DGKB: variants seen among roughly 807,000 people sequenced by gnomAD.
The protein encoded by DGKB is diacylglycerol kinase beta.
DGKB carries 67 observed loss-of-function variants against 114.3 expected under a neutral mutation model. That is an observed-to-expected ratio of 0.59 (90% CI 0.48 to 0.72). The LOEUF is 0.72. Ranked by LOEUF, DGKB falls within the 30% of genes least tolerant of loss-of-function variation. DGKB has a pLI of 0.00. For synonymous variants in DGKB, 398 were observed against 323.1 expected (o/e 1.23, Z -2.49); for missense variants, 907 against 975.2 (o/e 0.93, Z 0.93).
upstream of DGKB, among the ~76,000 whole-genome samples, chr7:14,907,300 AC>A (rs1406804918): frequency 1.3e-5 from 2 of 152,252 alleles, no homozygotes; most frequent in African/African-American, 4.8e-5. Context: ...CAGGCCATTT[AC>A]AGGCCTTTCC....
At chr7:14,732,195 T>TA in intron 5 of DGKB, among the ~76,000 whole-genome samples, 1 of 53,236 alleles carries the variant, frequency 1.9e-5, no homozygotes, top group East Asian at 3.3e-4. Flanking sequence ...GTAGTGAGCA[T>TA]AATTTTTTTT....
intron 2 of DGKB, among the ~76,000 whole-genome samples, chr7:14,824,647 C>T (rs1156612075): frequency 1.3e-5 from 2 of 151,970 alleles, no homozygotes; most frequent in Non-Finnish European, 2.9e-5. Flanking sequence ...TGTCACAGCA[C>T]GTCACAACAT....
intron 23 of DGKB, among the ~76,000 whole-genome samples, chr7:14,230,450 T>C (rs1791537767): frequency 6.6e-6 from 1 of 151,912 alleles, no homozygotes; most frequent in South Asian, 2.1e-4. Flanking sequence ...TATGGTAAAA[T>C]TTCATTAATT....
At chr7:14,919,058 A>ACATG (rs1390831220) in intron 1 of DGKB, among the ~76,000 whole-genome samples, 2 of 116,278 alleles carry the variant, frequency 1.7e-5, no homozygotes, top group Admixed American at 1.9e-4. Flanking sequence ...AGACTCCACC[A>ACATG]CACGCACACA....
chr7:14,865,676 G>T (rs2128187568), intron 1 of DGKB, among the ~76,000 whole-genome samples: 1 of 152,282 alleles, frequency 6.6e-6, no homozygotes, highest in Middle Eastern at 3.4e-3. Flanking sequence ...ATCATATACA[G>T]TGAGAATGAG....
chr7:14,163,660 T>A (rs571665386), intron 25 of DGKB, among the ~76,000 whole-genome samples: 1 of 152,162 alleles, frequency 6.6e-6, no homozygotes, highest in Admixed American at 6.5e-5. Context: ...AGAAGACTAT[T>A]AATTTTCTCT....
intron 2 of DGKB, among the ~76,000 whole-genome samples, chr7:14,760,153 A>T (rs1434915523): frequency 6.6e-6 from 1 of 152,006 alleles, no homozygotes; most frequent in Admixed American, 6.6e-5. Context: ...GTGTACGCAC[A>T]TTTGCTTGAT....
chr7:14,916,203 A>C (rs1250428583), intron 1 of DGKB, among the ~76,000 whole-genome samples: 3 of 151,952 alleles, frequency 2.0e-5, no homozygotes, highest in Non-Finnish European at 2.9e-5. Context: ...AAGAAGTATA[A>C]TAATATAATA....
chr7:14,942,658 T>C (rs1406266022), intron 1 of DGKB, among the ~76,000 whole-genome samples: 1 of 152,004 alleles, frequency 6.6e-6, no homozygotes, highest in Non-Finnish European at 1.5e-5. Flanking sequence ...TTCTGTTCCC[T>C]GAACTCTCCA....
At chr7:14,756,754 AC>A (rs1267817520) in intron 3 of DGKB, among the ~76,000 whole-genome samples, 7 of 151,896 alleles carry the variant, frequency 4.6e-5, no homozygotes, top group East Asian at 1.9e-4. Flanking sequence ...CAAAAAAAAA[AC>A]AATAATAGCA....
intron 23 of DGKB, 29 bp from the exon 24 acceptor site, chr7:14,178,180 G>A (rs748918952): frequency 6.2e-7 from 1 of 1,611,612 alleles, no homozygotes; most frequent in East Asian, 2.2e-5. Flanking sequence ...CTTTTAAGTT[G>A]CAATGTGTAT....
intron 14 of DGKB, among the ~76,000 whole-genome samples, chr7:14,628,040 C>T (rs182066829): frequency 2.2e-3 from 340 of 152,166 alleles, no homozygotes; most frequent in African/African-American, 7.6e-3. Context: ...TACTGACTGT[C>T]ATCCACAGTA....
intron 17 of DGKB, among the ~76,000 whole-genome samples, chr7:14,597,523 G>A (rs1426174778): frequency 6.6e-6 from 1 of 152,032 alleles, no homozygotes; most frequent in Admixed American, 6.6e-5. Flanking sequence ...GGCTAAACTT[G>A]TCTTGATTAC....
intron 1 of DGKB, among the ~76,000 whole-genome samples, chr7:14,866,419 A>G (rs1851722591): frequency 6.6e-6 from 1 of 151,970 alleles, no homozygotes; most frequent in African/African-American, 2.4e-5. Flanking sequence ...CCTCCCCACA[A>G]CCCTTTGCAA....
intron 2 of DGKB, among the ~76,000 whole-genome samples, chr7:14,805,181 C>T (rs1355015279): frequency 1.3e-5 from 2 of 152,048 alleles, no homozygotes; most frequent in African/African-American, 4.8e-5. Flanking sequence ...ATTGCTATTT[C>T]CAGGAGTGCA....
intron 23 of DGKB, among the ~76,000 whole-genome samples, chr7:14,233,699 G>A (rs1792276058): frequency 6.6e-6 from 1 of 152,124 alleles, no homozygotes; most frequent in Non-Finnish European, 1.5e-5. Context: ...GGGCGGACAG[G>A]TAGTCCAAGA....
chr7:14,671,170 A>G (rs1818900630), intron 13 of DGKB, among the ~76,000 whole-genome samples: 1 of 152,134 alleles, frequency 6.6e-6, no homozygotes, highest in Admixed American at 6.6e-5. Flanking sequence ...CTAAGAGAGG[A>G]ATGCCATGAC....
At chr7:14,861,770 T>C (rs541936871) in intron 1 of DGKB, among the ~76,000 whole-genome samples, 18 of 152,172 alleles carry the variant, frequency 1.2e-4, no homozygotes, top group African/African-American at 4.1e-4. Flanking sequence ...TTTTTTGAGA[T>C]TCATCTACAT....
intron 5 of DGKB, among the ~76,000 whole-genome samples, chr7:14,727,633 A>G (rs1410969703): frequency 6.6e-6 from 1 of 152,176 alleles, no homozygotes; most frequent in East Asian, 1.9e-4. Flanking sequence ...AAATACACCA[A>G]TATATTTTAA....
Sources: allele counts gnomAD v4.1 joint callset (sites outside exome capture counted in the v4.1 genomes callset), GRCh38; gene constraint gnomAD v4.1.1; transcripts MANE v1.5; gene names NCBI Gene and HGNC (gene_info 2026-07-23, HGNC 2026-07-21).